RUNX1T1: variants seen among roughly 807,000 people sequenced by gnomAD.
The protein encoded by RUNX1T1 is protein CBFA2T1.
RUNX1T1 carries 4 observed loss-of-function variants against 62.8 expected under a neutral mutation model. That is an observed-to-expected ratio of 0.06 (90% CI 0.03 to 0.15). RUNX1T1 has a LOEUF of 0.15. Among genes scored for constraint, RUNX1T1 ranks in the 10% least tolerant of loss-of-function variants. RUNX1T1 has a pLI of 1.00. For synonymous variants in RUNX1T1, 291 were observed against 286.0 expected (o/e 1.02, Z -0.18); for missense variants, 508 against 754.3 (o/e 0.67, Z 3.82).
chr8:92,070,478 T>A (rs1833506904), intron 2 of RUNX1T1, among the ~76,000 whole-genome samples: 1 of 152,216 alleles, frequency 6.6e-6, no homozygotes, highest in South Asian at 2.1e-4. Flanking sequence ...ATGGCAGAGC[T>A]ACTTACGCTG....
intron 5 of RUNX1T1, among the ~76,000 whole-genome samples, chr8:91,996,253 G>A (rs1200163330): frequency 6.6e-6 from 1 of 152,008 alleles, no homozygotes; most frequent in East Asian, 1.9e-4. Context: ...CCAGCCTGGA[G>A]TGCAGTGGTG....
At chr8:92,057,027 T>G (rs1831154975) in intron 1 of RUNX1T1, among the ~76,000 whole-genome samples, 1 of 152,226 alleles carries the variant, frequency 6.6e-6, no homozygotes, top group Non-Finnish European at 1.5e-5. Context: ...CTATTAGGCT[T>G]TTCAAAATAA....
At chr8:91,959,879 C>T in exon 11 of RUNX1T1, 1 of 307,774 alleles carries the variant, frequency 3.2e-6, no homozygotes, top group Non-Finnish European at 6.1e-6. Flanking sequence ...TTAGCAATCT[C>T]TTGGTTTGCT....
intron 6 of RUNX1T1, among the ~76,000 whole-genome samples, chr8:91,988,745 AT>A (rs1194641323): frequency 6.6e-6 from 1 of 152,120 alleles, no homozygotes; most frequent in Non-Finnish European, 1.5e-5. Flanking sequence ...TGGTGGTGGG[AT>A]TTCAGCATTT....
chr8:92,071,201 T>C (rs1833620313), intron 2 of RUNX1T1: 1 of 152,184 alleles, frequency 6.6e-6, no homozygotes, highest in Non-Finnish European at 1.5e-5. Flanking sequence ...GGAAAAAACA[T>C]TCAAGTGCAA....
intron 7 of RUNX1T1, among the ~76,000 whole-genome samples, chr8:91,986,531 AC>A (rs1282764025): frequency 6.6e-6 from 1 of 152,326 alleles, no homozygotes; most frequent in East Asian, 1.9e-4. Flanking sequence ...AGTGTTATGA[AC>A]ACGAGTCAGA....
Position 92,017,105 on chromosome 8 carries a change from T to C in RUNX1T1, c.145+121A>G, listed in dbSNP as rs977025371. 21 of 706,458 alleles carry C rather than the reference T, an allele frequency of 3.0e-5. No individual in the cohort carries two copies. In the African/African-American group the frequency reaches 3.4e-4, roughly 12 times the overall value. The allele number at this position is 706,458 out of a possible 1,614,324, so 43.8% of individuals were successfully genotyped here. On this transcript the variant is annotated intron_variant, in intron 2 of 10. Coordinates refer to ENST00000396218, the Ensembl canonical transcript of RUNX1T1. ...TTACTGGCAAACAAATGATTTTTTT[T>C]GGTTCATTTCTGCATAATACATTGA...
downstream of RUNX1T1, chr8:91,958,156 T>C: frequency 6.2e-6 from 1 of 162,048 alleles, no homozygotes; most frequent in East Asian, 8.9e-5. Flanking sequence ...GCCTGGTGTA[T>C]ATGTATTTGG....
At chr8:92,051,886 C>T (rs1036165780) in intron 1 of RUNX1T1, among the ~76,000 whole-genome samples, 1 of 150,590 alleles carries the variant, frequency 6.6e-6, no homozygotes, top group Non-Finnish European at 1.5e-5. Context: ...AATGTTCATG[C>T]TCTTTAAAAA....
chr8:92,059,456 G>T (rs1019047744), intron 1 of RUNX1T1, among the ~76,000 whole-genome samples: 1 of 152,150 alleles, frequency 6.6e-6, no homozygotes, highest in Non-Finnish European at 1.5e-5. Flanking sequence ...CAGAAAAATA[G>T]TCTAGTACAC....
At chr8:92,096,034 C>T (rs1460777831) in intron 1 of RUNX1T1, among the ~76,000 whole-genome samples, 1 of 152,224 alleles carries the variant, frequency 6.6e-6, no homozygotes, top group Non-Finnish European at 1.5e-5. Context: ...AACCTCAAGT[C>T]GGAGTTCTTG....
chr8:91,974,222 A>G (rs1001820601), intron 9 of RUNX1T1, among the ~76,000 whole-genome samples: 1 of 152,260 alleles, frequency 6.6e-6, no homozygotes, highest in African/African-American at 2.4e-5. Flanking sequence ...TGGAAAATAC[A>G]TAGTGCAGTT....
chr8:92,010,006 AC>A (rs1355958716), intron 4 of RUNX1T1: 3 of 152,102 alleles, frequency 2.0e-5, no homozygotes, highest in African/African-American at 7.2e-5. Context: ...TTTCAGACAA[AC>A]CTTTCTAGGC....
At chr8:92,030,275 G>A (rs1257915970) in intron 1 of RUNX1T1, among the ~76,000 whole-genome samples, 3 of 152,112 alleles carry the variant, frequency 2.0e-5, no homozygotes, top group Admixed American at 6.6e-5. Context: ...GTATATAATT[G>A]TATAATTATT....
In RUNX1T1 at chr8:92,052,835, C is replaced by T. The variant is rs546647820; in HGVS notation, c.7+9711G>A. Among the ~76,000 whole-genome samples the T allele has an allele frequency of 1.1e-4, 16 of 152,294 alleles. No individual in the cohort carries two copies. The South Asian group carries it at 3.1e-3, about 30-fold the overall frequency. On this transcript the variant is annotated intron_variant, in intron 1 of 10. Transcript: ENST00000396218. ...GAGAACGTGGCTACACCATCCTGTA[C>T]CATGCTTCCAAAGTGCTTGACTGAC...
chr8:92,078,610 C>T (rs1834778233), intron 1 of RUNX1T1, among the ~76,000 whole-genome samples: 1 of 152,036 alleles, frequency 6.6e-6, no homozygotes. Context: ...AACATACATT[C>T]CCAAACAAAT....
At chr8:91,989,529 G>A (rs1817232294) in intron 6 of RUNX1T1, among the ~76,000 whole-genome samples, 1 of 152,176 alleles carries the variant, frequency 6.6e-6, no homozygotes, top group African/African-American at 2.4e-5. Context: ...ATTACTTGAT[G>A]AAAACATAAT....
intron 1 of RUNX1T1, among the ~76,000 whole-genome samples, chr8:92,090,002 G>T (rs1419013504): frequency 6.9e-6 from 1 of 144,008 alleles, no homozygotes; most frequent in African/African-American, 2.6e-5. Context: ...CCTACTTTCA[G>T]TATCACACAG....
chr8:92,062,629 T>C, exon 1 of RUNX1T1: 1 of 1,613,966 alleles, frequency 6.2e-7, no homozygotes, highest in Non-Finnish European at 8.5e-7. Context: ...CCTCCTGTTC[T>C]GGAATGAGTG....
Sources: allele counts gnomAD v4.1 joint callset (sites outside exome capture counted in the v4.1 genomes callset), GRCh38; gene constraint gnomAD v4.1.1; transcripts MANE v1.5; gene names NCBI Gene and HGNC (gene_info 2026-07-23, HGNC 2026-07-21).